Variants in CHM observed in about 807,000 individuals in gnomAD.
CHM encodes the protein rab proteins geranylgeranyltransferase component A 1.
A neutral mutation model predicts 49.0 loss-of-function variants in CHM; 10 were observed. The ratio of observed to expected loss-of-function variants is 0.20; its 90% CI spans 0.13 to 0.35. The LOEUF is 0.35. Ranked by LOEUF, CHM falls within the 10% of genes least tolerant of loss-of-function variation. The pLI, the probability that CHM is intolerant of heterozygous loss-of-function variation, is 1.00. For synonymous variants in CHM, 184 were observed against 167.5 expected, an observed-to-expected ratio of 1.10 and a Z score of -0.76; for missense variants, 455 against 478.4, an observed-to-expected ratio of 0.95 and a Z score of 0.46.
chrX:86,020,218 T>C (rs1290618093), intron 2 of CHM, among the ~76,000 whole-genome samples: 1 of 111,184 alleles, frequency 9.0e-6, no homozygotes, highest in African/African-American at 3.3e-5. Flanking sequence ...ATCCCAATCA[T>C]CTTTCAAGAC....
intron 2 of CHM, among the ~76,000 whole-genome samples, chrX:85,989,157 A>T (rs1330899833): frequency 1.8e-5 from 2 of 111,898 alleles, no homozygotes; most frequent in East Asian, 5.6e-4. Context: ...AGGTACATAG[A>T]CCAATGGAAC....
Position 85,864,534 on chromosome X carries a change from C to T in CHM, c.*96G>A. 3 of 783,744 alleles carry T rather than the reference C, an allele frequency of 3.8e-6. No homozygotes were observed. Among genetic ancestry groups the T allele is most frequent in the Non-Finnish European group, 5.7e-6 (3 of 523,390 alleles). 64.6% of individuals were successfully genotyped at this position (783,744 alleles called of 1,213,427 possible). A position where few individuals can be genotyped will look rare whatever the true frequency, so the allele number is the denominator to read the frequency against. ...TACCTATTTTGCCTTATAATTGCTG[C>T]TGCTTTCTAACATTTCTCAAACAGT... is the stretch of plus-strand genomic sequence containing the variant. On this transcript the variant is annotated 3_prime_UTR_variant, in exon 15 of 15. Transcript: ENST00000357749.
intron 4 of CHM, among the ~76,000 whole-genome samples, chrX:85,966,311 T>C (rs912029357): frequency 4.8e-4 from 50 of 104,449 alleles, no homozygotes; most frequent in African/African-American, 1.6e-3. Context: ...ATCGTCCCAT[T>C]GCACTCCAGC....
intron 5 of CHM, among the ~76,000 whole-genome samples, chrX:85,960,762 A>C (rs1401296432): frequency 9.0e-6 from 1 of 111,174 alleles, no homozygotes; most frequent in Admixed American, 9.6e-5. Context: ...GCGATCTACC[A>C]CAGTGATGAG....
At chrX:85,986,548 G>A (rs1931923982) in intron 2 of CHM, among the ~76,000 whole-genome samples, 1 of 111,707 alleles carries the variant, frequency 9.0e-6, no homozygotes, top group Non-Finnish European at 1.9e-5. Context: ...AAAGCTTCAA[G>A]ACCAAAAATA....
At chrX:85,957,832 G>A (rs765810281) in intron 7 of CHM, 23 bp downstream of exon 7, 5 of 1,193,433 alleles carry the variant, frequency 4.2e-6, no homozygotes, top group Admixed American at 4.4e-5. Flanking sequence ...TAATTGGAGA[G>A]CACTACTTAA....
chrX:85,963,692 C>T lies in CHM; in HGVS notation c.675G>A (p.Arg225=). 8.3e-7 allele frequency: 1 copy of T among 1,199,812 alleles called. No homozygotes were observed. Among genetic ancestry groups the T allele is most frequent in the African/African-American group, 1.7e-5 (1 of 57,544 alleles). Residue 225 remains arginine, a synonymous_variant, in exon 5 of 15, where the codon AGG becomes AGA. Transcript: ENST00000357749. ...TTGATACTAAATCAATATTAAATCTCCTGCCTTCTTTAATAATTTGTGAGT... is the reference window on the plus strand; with the variant it reads ...TTGATACTAAATCAATATTAAATCTTCTGCCTTCTTTAATAATTTGTGAGT... ...ITYSQIIKEG[R]RFNIDLVSKL... is the part of the protein sequence containing the mutation.
intron 11 of CHM, among the ~76,000 whole-genome samples, chrX:85,900,197 A>G (rs1926167563): frequency 8.9e-6 from 1 of 111,830 alleles, no homozygotes; most frequent in African/African-American, 3.2e-5. Flanking sequence ...AAAAGAAGAA[A>G]GTCCTACCAT....
At chrX:85,865,899 G>T (rs1212722674) in intron 14 of CHM, among the ~76,000 whole-genome samples, 3 of 112,424 alleles carry the variant, frequency 2.7e-5, no homozygotes, top group African/African-American at 9.7e-5. Flanking sequence ...AAGCATTCAA[G>T]AGGTGACCCA....
chrX:86,029,481 C>T (rs1016956659), intron 1 of CHM, among the ~76,000 whole-genome samples: 1 of 111,507 alleles, frequency 9.0e-6, no homozygotes, highest in African/African-American at 3.3e-5. Context: ...ACAATGCCAC[C>T]AAATATTAGT....
intron 5 of CHM, among the ~76,000 whole-genome samples, chrX:85,961,776 C>A (rs1035545526): frequency 2.7e-4 from 30 of 111,369 alleles, no homozygotes; most frequent in African/African-American, 9.5e-4. Flanking sequence ...ACTGCCTAGT[C>A]CACTGCCTCT....
chrX:85,910,808 G>A (rs1176092239), intron 9 of CHM, among the ~76,000 whole-genome samples: 2 of 107,928 alleles, frequency 1.9e-5, no homozygotes, highest in African/African-American at 6.7e-5. Flanking sequence ...ATAACAGAGG[G>A]CTTTGTTGTC....
intron 2 of CHM, among the ~76,000 whole-genome samples, chrX:85,984,820 T>C (rs185202319): frequency 4.4e-5 from 5 of 112,531 alleles, no homozygotes; most frequent in Admixed American, 3.8e-4. Flanking sequence ...AAAAGCATTA[T>C]GCTGAGTGAA....
chrX:85,978,982 T>C (rs1422189572), intron 3 of CHM, 91 bp from the exon 4 acceptor site: 1 of 971,791 alleles, frequency 1.0e-6, no homozygotes, highest in East Asian at 3.7e-5. Context: ...TCTAAATTCA[T>C]GCTTATTTCA....
intron 1 of CHM, among the ~76,000 whole-genome samples, chrX:86,028,814 G>A (rs866264290): frequency 9.0e-6 from 1 of 111,064 alleles, no homozygotes; most frequent in African/African-American, 3.3e-5. Flanking sequence ...CCTTCACCAT[G>A]ATGAAACATC....
At chrX:85,909,347 C>T (rs1286967650) in intron 9 of CHM, among the ~76,000 whole-genome samples, 1 of 111,185 alleles carries the variant, frequency 9.0e-6, no homozygotes, top group Non-Finnish European at 1.9e-5. Context: ...CTTTACTAAA[C>T]CCTCAATTTT....
intron 2 of CHM, among the ~76,000 whole-genome samples, chrX:86,026,281 G>A (rs1323914192): frequency 1.9e-5 from 2 of 105,287 alleles, no homozygotes; most frequent in African/African-American, 6.9e-5. Context: ...GCACCACCAC[G>A]CCCAGCTAAG....
At position 85,871,320 on chromosome X, in the gene CHM, A is replaced by AAAAAAAAAAAG. The variant is rs1487188345; in HGVS notation, c.1770+1731_1770+1732insCTTTTTTTTTT. On this transcript the variant is annotated intron_variant, in intron 14 of 14. Transcript: ENST00000357749. ...AGACTGTCTCAAAAAAAAAAAAAAAAAAGAAGAAATCTGCATGGGCTTGTG... is the reference window on the plus strand; with the variant it reads ...AGACTGTCTCAAAAAAAAAAAAAAAAAAAAAAAAAAGAAGAAGAAATCTGCATGGGCTTGTG... 3.9e-5 allele frequency among the ~76,000 whole-genome samples: 4 copies of AAAAAAAAAAAG among 103,006 alleles called. 1 individual carries two copies. Among genetic ancestry groups the AAAAAAAAAAAG allele is most frequent in the African/African-American group, 1.5e-4 (4 of 26,387 alleles). The allele number at this position is 103,006 out of a possible 115,157, so 89.4% of individuals were successfully genotyped here. A position where few individuals can be genotyped will look rare whatever the true frequency, so the allele number is the denominator to read the frequency against.
intron 13 of CHM, among the ~76,000 whole-genome samples, chrX:85,876,385 T>A (rs1194932520): frequency 8.9e-6 from 1 of 111,913 alleles, no homozygotes; most frequent in Non-Finnish European, 1.9e-5. Flanking sequence ...GAATGTCAAA[T>A]AATCAAAACA....
Sources: allele counts gnomAD v4.1 joint callset (sites outside exome capture counted in the v4.1 genomes callset), GRCh38; gene constraint gnomAD v4.1.1; transcripts MANE v1.5; gene names NCBI Gene and HGNC (gene_info 2026-07-23, HGNC 2026-07-21).